DNASE2B: variants seen among roughly 807,000 people sequenced by gnomAD.
DNASE2B encodes the protein deoxyribonuclease 2 beta, also known as deoxyribonuclease-2-beta.
Under a neutral mutation model 46.0 loss-of-function variants are expected in DNASE2B, and 43 were observed. The observed-to-expected ratio is 0.94, with a 90% CI of 0.73 to 1.21. The LOEUF is 1.21. Among genes scored for constraint, DNASE2B ranks in the 50% most tolerant of loss-of-function variants. The pLI is 0.00. For synonymous variants in DNASE2B, 156 were observed against 152.5 expected (o/e 1.02, Z -0.17); for missense variants, 395 against 414.4 (o/e 0.95, Z 0.41).
At chr1:84,407,941 TA>T (rs1169704987) in intron 2 of DNASE2B, among the ~76,000 whole-genome samples, 3 of 152,078 alleles carry the variant, frequency 2.0e-5, no homozygotes, top group Middle Eastern at 3.2e-3. Context: ...GGATCCTGAT[TA>T]AACACAACGC....
Position 84,412,508 on chromosome 1 carries a change from A to C in DNASE2B, c.707A>C (p.Lys236Thr), listed in dbSNP as rs769017655. 1 of 1,612,424 alleles carries C rather than the reference A, an allele frequency of 6.2e-7. No homozygotes were observed. The highest frequency in any genetic ancestry group is 1.7e-5 in the Admixed American group (1 of 59,660). The change falls in exon 5 of 6, where the codon AAA (lysine) becomes ACA (threonine). Residue 236 changes from lysine to threonine, a missense_variant. By Grantham distance (78) the Lys-to-Thr change is moderately conservative. Coordinates refer to ENST00000370665, the MANE Select transcript of DNASE2B (RefSeq NM_021233.3). ...ACACTTCAGTCGGCCCAGGGACAAAAATTCCTCCATTTTGCAAAGTCGGAT... is the reference window on the plus strand; with the variant it reads ...ACACTTCAGTCGGCCCAGGGACAAACATTCCTCCATTTTGCAAAGTCGGAT... Reference protein sequence around the residue: ...LTTLQSAQGQKFLHFAKSDSF... With the variant: ...LTTLQSAQGQTFLHFAKSDSF...
Position 84,414,608 on chromosome 1 carries a change from C to T in DNASE2B, c.826C>T (p.Pro276Ser). 1.2e-6 allele frequency: 2 copies of T among 1,614,166 alleles called. No homozygotes were observed. The highest frequency in any genetic ancestry group is 1.7e-6 in the Non-Finnish European group (2 of 1,180,014). ...ETWQRKRQEL[P>S]SNCSLPYHVY... ...CTGGCAGCGAAAAAGACAAGAGCTT[C>T]CTTCAAACTGCTCCCTTCCTTACCA... Residue 276 changes from proline to serine, a missense_variant, in exon 6 of 6, where the codon CCT becomes TCT. Physicochemically the swap from Pro to Ser is moderately conservative, Grantham distance 74 (BLOSUM62 -1). Coordinates refer to ENST00000370665, the MANE Select transcript of DNASE2B (RefSeq NM_021233.3).
chr1:84,411,425 GGTGTGTGTGTGTGTGTGTGT>G lies in DNASE2B; in HGVS notation c.547+465_547+484del, dbSNP rs71097845. Among the ~76,000 whole-genome samples, 748 of 139,332 alleles carry G rather than the reference GGTGTGTGTGTGTGTGTGTGT, an allele frequency of 5.4e-3. 10 individuals are homozygous for G. The highest frequency in any genetic ancestry group is 0.015 in the East Asian group (70 of 4,672). The allele number at this position is 139,332 out of a possible 152,430, so 91.4% of individuals were successfully genotyped here. A position where few individuals can be genotyped will look rare whatever the true frequency, so the allele number is the denominator to read the frequency against. Reference sequence around the variant, plus strand: ...TTCTCATGAAGTACCAGAAACCTAGGGTGTGTGTGTGTGTGTGTGTGTGTGTGTGTGTGTGTGTGTGTGTG... The same window carrying G: ...TTCTCATGAAGTACCAGAAACCTAGGGTGTGTGTGTGTGTGTGTGTGTGTG... On this transcript the variant is annotated intron_variant, in intron 4 of 5. Transcript: ENST00000370665.
chr1:84,399,630 A>G (rs576898756), intron 1 of DNASE2B, among the ~76,000 whole-genome samples: 1 of 152,200 alleles, frequency 6.6e-6, no homozygotes, highest in South Asian at 2.1e-4. Context: ...TCTCAGGCCA[A>G]TGAAGGAGCA....
chr1:84,409,490 C>T (rs6576700), intron 3 of DNASE2B, among the ~76,000 whole-genome samples: 80,759 of 152,030 alleles, frequency 0.53, 21,479 homozygotes, highest in East Asian at 0.61. Context: ...ACTCTGCAAG[C>T]GCAATAAAAT....
chr1:84,414,440 A>G, intron 5 of DNASE2B, 88 bp from the exon 6 acceptor site: 2 of 1,160,952 alleles, frequency 1.7e-6, no homozygotes, highest in East Asian at 2.5e-5. Context: ...ATCAGGGGTG[A>G]AAGATGATTT....
At chr1:84,403,424 G>C (rs1227764083) in intron 2 of DNASE2B, among the ~76,000 whole-genome samples, 1 of 152,116 alleles carries the variant, frequency 6.6e-6, no homozygotes, top group Non-Finnish European at 1.5e-5. Flanking sequence ...GTTATTAAGA[G>C]AATCATTAAG....
At chr1:84,408,547 C>T in intron 3 of DNASE2B, 29 bp downstream of exon 3, 2 of 1,589,992 alleles carry the variant, frequency 1.3e-6, no homozygotes, top group Non-Finnish European at 1.7e-6. Context: ...GTTTCTCTTT[C>T]CTACTGGAAA....
At chr1:84,402,624 A>G (rs958498637) in intron 2 of DNASE2B, among the ~76,000 whole-genome samples, 1 of 152,186 alleles carries the variant, frequency 6.6e-6, no homozygotes, top group Non-Finnish European at 1.5e-5. Flanking sequence ...TATCCCTGCT[A>G]TATCTGGACT....
intron 2 of DNASE2B, among the ~76,000 whole-genome samples, chr1:84,403,125 C>G (rs1680448493): frequency 6.6e-6 from 1 of 152,196 alleles, no homozygotes; most frequent in Admixed American, 6.5e-5. Context: ...TTTCTAGATG[C>G]TTTTCAAAAT....
At chr1:84,401,040 T>C (rs1362723613) in intron 1 of DNASE2B, among the ~76,000 whole-genome samples, 1 of 152,126 alleles carries the variant, frequency 6.6e-6, no homozygotes, top group Non-Finnish European at 1.5e-5. Flanking sequence ...ATTATAATGT[T>C]TGGTGCACTG....
chr1:84,406,633 G>A (rs760900218), intron 2 of DNASE2B, among the ~76,000 whole-genome samples: 5 of 152,182 alleles, frequency 3.3e-5, no homozygotes, highest in Non-Finnish European at 5.9e-5. Flanking sequence ...ACAGGAAAGG[G>A]ACTGATTTCC....
chr1:84,411,534 C>T (rs1680598792), intron 4 of DNASE2B, among the ~76,000 whole-genome samples: 1 of 151,036 alleles, frequency 6.6e-6, no homozygotes, highest in Admixed American at 6.6e-5. Context: ...TGAGTTCAAT[C>T]TTAATTTTGT....
At chr1:84,411,284 G>C (rs1234452017) in intron 4 of DNASE2B, among the ~76,000 whole-genome samples, 1 of 152,116 alleles carries the variant, frequency 6.6e-6, no homozygotes, top group African/African-American at 2.4e-5. Context: ...TGTTACATGG[G>C]AAGTGAGGAT....
Position 84,414,505 on chromosome 1 carries a change from A to G in DNASE2B, c.746-23A>G. On this transcript the variant is annotated intron_variant, in intron 5 of 5. Transcript: ENST00000370665. ...TCTAAGTGTAAATACCAACCTCACT[A>G]TCTTTCTCCTCCTAAACCCTAGACA... is the stretch of plus-strand genomic sequence containing the variant. 1.9e-6 allele frequency: 3 copies of G among 1,565,530 alleles called. No homozygotes were observed. In the South Asian group the frequency reaches 3.7e-5, roughly 19 times the overall value.
At position 84,412,242 on chromosome 1, in the gene DNASE2B, G is replaced by T. The variant is rs866902059; in HGVS notation, c.548-107G>T. ...TTGGTTTAAAGAAAGAAATGCCTTT[G>T]TTTTTGTGTTGTTTTGTTTTTAAAT... On this transcript the variant is annotated intron_variant, in intron 4 of 5. Coordinates refer to ENST00000370665, the MANE Select transcript of DNASE2B (RefSeq NM_021233.3). The T allele has an allele frequency of 4.7e-6, 5 of 1,053,914 alleles. No homozygotes were observed. In the Middle Eastern group the frequency reaches 1.0e-3, roughly 212 times the overall value. 65.3% of individuals were successfully genotyped at this position (1,053,914 alleles called of 1,614,324 possible). A position where few individuals can be genotyped will look rare whatever the true frequency, so the allele number is the denominator to read the frequency against.
At chr1:84,404,443 A>G (rs1262865849) in intron 2 of DNASE2B, among the ~76,000 whole-genome samples, 3 of 152,150 alleles carry the variant, frequency 2.0e-5, no homozygotes, top group Non-Finnish European at 4.4e-5. Flanking sequence ...CTTTTCCTAT[A>G]ACAGAAATGG....
rs779459080 is a variant in DNASE2B at position 84,414,650 on chromosome 1, G to A, written c.868G>A (p.Ala290Thr). The A allele has an allele frequency of 1.2e-6, 2 of 1,614,078 alleles. No individual in the cohort carries two copies. The highest frequency in any genetic ancestry group is 2.2e-5 in the South Asian group (2 of 91,062). ...SLPYHVYNIK[A>T]IKLSRHSYFS... The stretch of plus-strand genomic sequence containing the variant: ...TCCTTACCATGTCTACAATATAAAA[G>A]CAATTAAATTATCACGACACTCTTA... Residue 290 changes from alanine to threonine, a missense_variant, in exon 6 of 6, where the codon GCA becomes ACA. Transcript: ENST00000370665.
Position 84,401,904 on chromosome 1 carries a change from T to G in DNASE2B, c.129T>G (p.Phe43Leu). 2 of 1,503,470 alleles carry G rather than the reference T, an allele frequency of 1.3e-6. No homozygotes were observed. Among genetic ancestry groups the G allele is most frequent in the Non-Finnish European group, 1.8e-6 (2 of 1,131,588 alleles). 93.1% of individuals were successfully genotyped at this position (1,503,470 alleles called of 1,614,324 possible). A position where few individuals can be genotyped will look rare whatever the true frequency, so the allele number is the denominator to read the frequency against. Reference sequence around the variant, plus strand: ...TCATAATCATTTTGTCTGTTAGGTTTACTTTTTATAAGTTACCTAAAAGAC... The same window carrying G: ...TCATAATCATTTTGTCTGTTAGGTTGACTTTTTATAAGTTACCTAAAAGAC... ...RNEEGKAVDW[F>L]TFYKLPKRQN... Residue 43 changes from phenylalanine to leucine, a missense_variant, in exon 2 of 6, where the codon TTT becomes TTG. Coordinates refer to ENST00000370665, the MANE Select transcript of DNASE2B (RefSeq NM_021233.3).
Sources: allele counts gnomAD v4.1 joint callset (sites outside exome capture counted in the v4.1 genomes callset), GRCh38; gene constraint gnomAD v4.1.1; transcripts MANE v1.5; gene names NCBI Gene and HGNC (gene_info 2026-07-23, HGNC 2026-07-21).